The following PLOD1 variants were observed in gnomAD, a reference collection of about 807,000 sequenced individuals.
PLOD1 encodes lysine hydroxylase.
In PLOD1, 70 loss-of-function variants were observed where a neutral mutation model predicts 94.7. The ratio of observed to expected loss-of-function variants is 0.74; its 90% confidence interval spans 0.61 to 0.90. PLOD1 has a LOEUF of 0.90. Ranked by LOEUF, PLOD1 falls within the 40% of genes least tolerant of loss-of-function variation. PLOD1 has a pLI of 0.00. For missense variants in PLOD1, 905 were observed against 972.7 expected (o/e 0.93, Z 0.93); for synonymous variants, 417 against 400.2 (o/e 1.04, Z -0.50).
At chr1:11,944,888 G>A (rs1366525579) in intron 1 of PLOD1, among the ~76,000 whole-genome samples, 2 of 152,242 alleles carry the variant, frequency 1.3e-5, no homozygotes, top group Non-Finnish European at 2.9e-5. Context: ...GACTTCCTGA[G>A]GTGGTGGGAG....
At chr1:11,949,690 G>T (rs558601008) in intron 2 of PLOD1, 83 bp from the exon 3 acceptor site, 9 of 1,437,080 alleles carry the variant, frequency 6.3e-6, no homozygotes, top group East Asian at 2.3e-5. Flanking sequence ...AAAGTGCTGG[G>T]ATTACCAGCA....
intron 9 of PLOD1, 118 bp from the exon 10 acceptor site, chr1:11,960,528 C>A (rs1645770339): frequency 2.6e-6 from 2 of 781,356 alleles, no homozygotes; most frequent in Non-Finnish European, 4.5e-6. Context: ...AAGCAGATGG[C>A]CGGGGTGCCA....
At chr1:11,970,881 G>A (rs962936270) in intron 17 of PLOD1, 65 bp downstream of exon 17, 34 of 1,513,794 alleles carry the variant, frequency 2.2e-5, no homozygotes, top group Middle Eastern at 3.4e-4. Context: ...TGGAGTGGCT[G>A]GGACTGGTGG....
intron 16 of PLOD1, among the ~76,000 whole-genome samples, chr1:11,967,597 G>GTGTGTATATATATATATATA (rs1391982281): frequency 4.2e-4 from 25 of 59,770 alleles, no homozygotes; most frequent in South Asian, 2.7e-3. Context: ...GTGTGTGTGT[G>GTGTGTATATATATATATATA]TATATATATA....
Position 11,957,064 on chromosome 1 carries a change from A to G in PLOD1, c.741+50A>G, listed in dbSNP as rs747258497. The G allele has an allele frequency of 8.2e-7, 1 of 1,219,686 alleles. No homozygotes were observed. The highest frequency in any genetic ancestry group is 1.2e-6 in the Non-Finnish European group (1 of 820,010). The allele number at this position is 1,219,686 out of a possible 1,614,324, so 75.6% of individuals were successfully genotyped here. A position where few individuals can be genotyped will look rare whatever the true frequency, so the allele number is the denominator to read the frequency against. Reference sequence around the variant, plus strand: ...AGTGTGGGAGGGGGCCAGAGCCCTAATTTCATTCTCACTGTGACCCCACAG... The same window carrying G: ...AGTGTGGGAGGGGGCCAGAGCCCTAGTTTCATTCTCACTGTGACCCCACAG... On this transcript the variant is annotated intron_variant, in intron 7 of 18. Transcript: ENST00000196061. This position sits in a 1 kb window ranked among gnomAD's most constrained non-coding sequence, Gnocchi z 4.1.
Position 11,958,931 on chromosome 1 carries a change from G to A in PLOD1, c.975+284G>A, listed in dbSNP as rs1487321792. 2.0e-5 allele frequency among the ~76,000 whole-genome samples: 3 copies of A among 152,266 alleles called. No homozygotes were observed. Among genetic ancestry groups the A allele is most frequent in the East Asian group, 3.9e-4 (2 of 5,170 alleles). ...TATAAAATAGGCATAAAAGTCGGGC[G>A]CGGTGGCTCATGCCTGTAATCCCAG... On this transcript the variant is annotated intron_variant, in intron 9 of 18. Coordinates refer to ENST00000196061, the MANE Select transcript of PLOD1 (RefSeq NM_000302.4). This position sits in a 1 kb window ranked among gnomAD's most constrained non-coding sequence, Gnocchi z 4.3.
At chr1:11,953,259 T>C (rs1645716154) in intron 5 of PLOD1, among the ~76,000 whole-genome samples, 2 of 151,798 alleles carry the variant, frequency 1.3e-5, no homozygotes, top group African/African-American at 4.8e-5. Context: ...TTTCACTACG[T>C]TCGCCAGGCT....
At chr1:11,965,656 G>A in intron 14 of PLOD1, 63 bp downstream of exon 14, 2 of 988,776 alleles carry the variant, frequency 2.0e-6, no homozygotes, top group Admixed American at 1.7e-5. Flanking sequence ...TGCAGTCGGA[G>A]GGACTTCCCT....
Position 11,972,796 on chromosome 1 carries a change from G to A in PLOD1, c.1903-76G>A. On this transcript the variant is annotated intron_variant, in intron 17 of 18. Transcript: ENST00000196061. This position sits in a 1 kb window ranked among gnomAD's most constrained non-coding sequence, Gnocchi z 4.6. ...TGCAGCAGGCCAGACCAGGCCCCAT[G>A]TGTGCACCCTCCTCTCCTGGCCTTT... 1.3e-6 allele frequency: 2 copies of A among 1,561,812 alleles called. No homozygotes were observed. The highest frequency in any genetic ancestry group is 2.2e-5 in the South Asian group (2 of 89,760).
chr1:11,938,106 C>A (rs951917708), intron 1 of PLOD1, among the ~76,000 whole-genome samples: 5 of 152,018 alleles, frequency 3.3e-5, no homozygotes, highest in Admixed American at 3.3e-4. Context: ...GCATGCACCA[C>A]CATGCCTGGC....
chr1:11,943,466 T>C (rs1375757070), intron 1 of PLOD1, among the ~76,000 whole-genome samples: 2 of 151,892 alleles, frequency 1.3e-5, no homozygotes, highest in Non-Finnish European at 2.9e-5. Context: ...CCGGCTAATT[T>C]TTGTATTCTT....
At chr1:11,949,345 C>T (rs890506734) in intron 2 of PLOD1, among the ~76,000 whole-genome samples, 2 of 152,128 alleles carry the variant, frequency 1.3e-5, no homozygotes, top group African/African-American at 4.8e-5. Flanking sequence ...ACCGGCTAAT[C>T]CTCATACAGG....
chr1:11,958,511 T>G lies in PLOD1; in HGVS notation c.844-5T>G, dbSNP rs749869028. 1.2e-6 allele frequency: 2 copies of G among 1,613,606 alleles called. No homozygotes were observed. The highest frequency in any genetic ancestry group is 2.2e-5 in the South Asian group (2 of 90,968). On this transcript the variant is annotated splice_polypyrimidine_tract_variant and splice_region_variant and intron_variant, in intron 8 of 18. Coordinates refer to ENST00000196061, the MANE Select transcript of PLOD1 (RefSeq NM_000302.4). This position sits in a 1 kb window ranked among gnomAD's most constrained non-coding sequence, Gnocchi z 4.3. The stretch of plus-strand genomic sequence containing the variant: ...TGGACTCTTGTGCCGCCCTCCCTGG[T>G]GCAGGATGAAGCTCTGCCCACGGTC...
At chr1:11,949,483 G>T (rs779930427) in intron 2 of PLOD1, among the ~76,000 whole-genome samples, 18 of 152,054 alleles carry the variant, frequency 1.2e-4, no homozygotes, top group Admixed American at 6.6e-4. Context: ...GCAATGGAGC[G>T]ATTTCGGCTC....
chr1:11,939,060 T>C (rs1024859143), intron 1 of PLOD1, among the ~76,000 whole-genome samples: 5 of 152,166 alleles, frequency 3.3e-5, no homozygotes, highest in Admixed American at 1.3e-4. Context: ...TTCTAGCAGA[T>C]CTCCAGCTCC....
chr1:11,973,187 G>A (rs551448249), intron 18 of PLOD1, among the ~76,000 whole-genome samples, 190 bp downstream of exon 18: 165 of 152,262 alleles, frequency 1.1e-3, no homozygotes, highest in African/African-American at 3.7e-3. Flanking sequence ...GAGGGGCCAG[G>A]CTCTTAAGCT....
At chr1:11,938,286 A>T (rs1645593577) in intron 1 of PLOD1, among the ~76,000 whole-genome samples, 1 of 152,012 alleles carries the variant, frequency 6.6e-6, no homozygotes, top group Non-Finnish European at 1.5e-5. Flanking sequence ...CATCAACTCC[A>T]TTTTGGAGAT....
At position 11,961,093 on chromosome 1, in the gene PLOD1, A is replaced by T. The variant is rs148374791; in HGVS notation, c.1097+326A>T. The stretch of plus-strand genomic sequence containing the variant: ...TGAATGTTTTACTTTATTATATATA[A>T]AAAAAAAAGGCCGAGAGCAGTGGCT... On this transcript the variant is annotated intron_variant, in intron 10 of 18. Transcript: ENST00000196061. Among the ~76,000 whole-genome samples the T allele has an allele frequency of 0.013, 1,867 of 141,482 alleles. 40 individuals are homozygous for T. Among genetic ancestry groups the T allele is most frequent in the African/African-American group, 0.054 (1,753 of 32,456 alleles). 92.8% of individuals were successfully genotyped at this position (141,482 alleles called of 152,430 possible).
chr1:11,969,279 G>A (rs1450283676), intron 16 of PLOD1, among the ~76,000 whole-genome samples: 11 of 152,162 alleles, frequency 7.2e-5, no homozygotes, highest in East Asian at 3.9e-4. Flanking sequence ...GTGAGCCACC[G>A]TGCCTGGCCT....
Sources: gnomAD v4.1 joint callset for allele counts (sites outside exome capture counted in the v4.1 genomes callset) on GRCh38, gnomAD v4.1.1 for gene constraint, Gnocchi (gnomAD v3.1) non-coding constraint, MANE v1.5 for transcripts, NCBI Gene and HGNC (gene_info 2026-07-23, HGNC 2026-07-21) for gene names.